KLHL42: variants seen among roughly 807,000 people sequenced by gnomAD.
KLHL42 encodes kelch-like protein 42.
KLHL42 carries 27 observed loss-of-function variants against 32.7 expected under a neutral mutation model. The ratio of observed to expected loss-of-function variants is 0.83; its 90% CI spans 0.61 to 1.14. The LOEUF (loss-of-function observed/expected upper bound fraction) is 1.14, where lower values mean the gene tolerates loss of function less well. Among genes scored for constraint, KLHL42 ranks in the 50% most tolerant of loss-of-function variants. The probability of loss-of-function intolerance (pLI) is 0.00; values close to 1 mark genes in which losing one functional copy is unlikely to be tolerated. For synonymous variants in KLHL42, 267 were observed against 248.2 expected (o/e 1.08, Z -0.71); for missense variants, 491 against 560.8 (o/e 0.88, Z 1.26).
At chr12:27,789,411 T>A (rs967792154) in intron 1 of KLHL42, among the ~76,000 whole-genome samples, 1 of 152,218 alleles carries the variant, frequency 6.6e-6, no homozygotes, top group African/African-American at 2.4e-5. Context: ...CAATTTCATC[T>A]TAAAACAAAT....
At chr12:27,782,873 T>C (rs1029956729) in intron 1 of KLHL42, among the ~76,000 whole-genome samples, 15 of 151,960 alleles carry the variant, frequency 9.9e-5, no homozygotes, top group African/African-American at 3.4e-4. Flanking sequence ...GCCCTCAGGG[T>C]ACAGAAAAAA....
intron 2 of KLHL42, among the ~76,000 whole-genome samples, chr12:27,793,039 C>T (rs567155010): frequency 6.6e-6 from 1 of 152,272 alleles, no homozygotes; most frequent in South Asian, 2.1e-4. Context: ...CATAAGTCAC[C>T]ATGCCCTGCT....
At chr12:27,790,005 G>A (rs186440688) in intron 1 of KLHL42, among the ~76,000 whole-genome samples, 6 of 152,304 alleles carry the variant, frequency 3.9e-5, no homozygotes, top group African/African-American at 1.4e-4. Flanking sequence ...TAATGCATCA[G>A]TTTTATTGAA....
Position 27,800,322 on chromosome 12 carries a change from C to T in KLHL42, c.*2156C>T, listed in dbSNP as rs2062238844. 1 of 979,080 alleles carries T rather than the reference C, an allele frequency of 1.0e-6. No individual in the cohort carries two copies. The highest frequency in any genetic ancestry group is 4.8e-5 in the South Asian group (1 of 20,946). The allele number at this position is 979,080 out of a possible 1,614,324, so 60.6% of individuals were successfully genotyped here. ...CTGATCCACAAAGCTCTTTTATAAA[C>T]CAGGTTTGAGGTTGTGTGTGTGTGT... On this transcript the variant is annotated 3_prime_UTR_variant, in exon 3 of 3. Transcript: ENST00000381271.
chr12:27,786,719 G>GTTTTTTTT (rs11341444), intron 1 of KLHL42, among the ~76,000 whole-genome samples: 2 of 101,144 alleles, frequency 2.0e-5, no homozygotes, highest in African/African-American at 7.7e-5. Flanking sequence ...GATTGAAAGA[G>GTTTTTTTT]TTTTTTTTTT....
chr12:27,797,708 C>A lies in KLHL42; in HGVS notation c.1067-7C>A. On this transcript the variant is annotated splice_region_variant and splice_polypyrimidine_tract_variant and intron_variant, in intron 2 of 2. Coordinates refer to ENST00000381271, the MANE Select transcript of KLHL42 (RefSeq NM_020782.2). ...GCGGTGTCATCACTTGTCTTTCTTT[C>A]TTTCAGACCGGAACATGAACATTTT... The A allele has an allele frequency of 1.5e-6, 1 of 682,780 alleles. No homozygotes were observed. Among genetic ancestry groups the A allele is most frequent in the Admixed American group, 2.2e-5 (1 of 44,786 alleles). The allele number at this position is 682,780 out of a possible 1,614,324, so 42.3% of individuals were successfully genotyped here.
rs1417916204 is a variant in KLHL42 at position 27,799,876 on chromosome 12, G to A, written c.*1710G>A. 1.8e-6 allele frequency: 1 copy of A among 556,308 alleles called. No homozygotes were observed. Among genetic ancestry groups the A allele is most frequent in the African/African-American group, 2.1e-5 (1 of 48,658 alleles). 34.5% of individuals were successfully genotyped at this position (556,308 alleles called of 1,614,324 possible). On this transcript the variant is annotated 3_prime_UTR_variant, in exon 3 of 3. Coordinates refer to ENST00000381271, the MANE Select transcript of KLHL42 (RefSeq NM_020782.2). ...TCTAGTCTACTTACAACTTTGTAAG[G>A]GTTTCTAAGCTATGCCCATTTATTC...
At position 27,801,325 on chromosome 12, in the gene KLHL42, C is replaced by A. The variant is rs1373898245; in HGVS notation, c.*3159C>A. 6.6e-6 allele frequency: 1 copy of A among 152,068 alleles called. No homozygotes were observed. The highest frequency in any genetic ancestry group is 1.5e-5 in the Non-Finnish European group (1 of 68,004). 9.4% of individuals were successfully genotyped at this position (152,068 alleles called of 1,614,324 possible). A position where few individuals can be genotyped will look rare whatever the true frequency, so the allele number is the denominator to read the frequency against. On this transcript the variant is annotated 3_prime_UTR_variant, in exon 3 of 3. Coordinates refer to ENST00000381271, the MANE Select transcript of KLHL42 (RefSeq NM_020782.2). ...ACAAAGGGAGTAATCAAGTAAATAC[C>A]TGTTCTCTTTCAATGGACTGTTGCC...
chr12:27,786,719 GTTTTTTTTTTTTT>G (rs11341444), intron 1 of KLHL42, among the ~76,000 whole-genome samples: 1 of 101,144 alleles, frequency 9.9e-6, no homozygotes, highest in Non-Finnish European at 1.9e-5. Context: ...GATTGAAAGA[GTTTTTTTTTTTTT>G]TTTTTTTTGA....
At chr12:27,788,159 AAG>A (rs1440366288) in intron 1 of KLHL42, 2 of 152,230 alleles carry the variant, frequency 1.3e-5, no homozygotes, top group African/African-American at 4.8e-5. Flanking sequence ...GTGGTTGAGA[AAG>A]GACTTTTGAA....
intron 1 of KLHL42, among the ~76,000 whole-genome samples, chr12:27,781,851 C>T (rs145986428): frequency 6.6e-6 from 1 of 152,166 alleles, no homozygotes; most frequent in Non-Finnish European, 1.5e-5. Context: ...ACCTTCTCCC[C>T]CTCCCATCCT....
intron 1 of KLHL42, among the ~76,000 whole-genome samples, chr12:27,783,612 CG>C (rs1350654376): frequency 1.3e-5 from 2 of 152,020 alleles, no homozygotes; most frequent in Non-Finnish European, 2.9e-5. Context: ...GACGGAGTCT[CG>C]CTCTGTCGCC....
intron 1 of KLHL42, among the ~76,000 whole-genome samples, chr12:27,782,112 G>C (rs770168898): frequency 3.3e-5 from 5 of 152,168 alleles, no homozygotes; most frequent in Non-Finnish European, 5.9e-5. Flanking sequence ...TCCCATCCAC[G>C]TGTTTCCATC....
chr12:27,783,431 A>G (rs1392353651), intron 1 of KLHL42, among the ~76,000 whole-genome samples: 1 of 152,208 alleles, frequency 6.6e-6, no homozygotes, highest in Non-Finnish European at 1.5e-5. Flanking sequence ...TATGTATATT[A>G]ATGTGCACGG....
chr12:27,794,343 C>A (rs2062210088), intron 2 of KLHL42, among the ~76,000 whole-genome samples: 1 of 152,134 alleles, frequency 6.6e-6, no homozygotes, highest in Admixed American at 6.6e-5. Flanking sequence ...CTGCCTCTGT[C>A]TTCATATGAT....
At chr12:27,792,491 G>A (rs2062201643) in intron 2 of KLHL42, among the ~76,000 whole-genome samples, 1 of 152,132 alleles carries the variant, frequency 6.6e-6, no homozygotes, top group African/African-American at 2.4e-5. Flanking sequence ...GACCAGCAGT[G>A]GGAGGTGGTT....
rs144854024 is a variant in KLHL42, at chr12:27,794,003, T to C, written c.1066+2102T>C. On this transcript the variant is annotated intron_variant, in intron 2 of 2. Coordinates refer to ENST00000381271, the MANE Select transcript of KLHL42 (RefSeq NM_020782.2). ...TTCCACCATATCCAAATGTGTCCTG[T>C]TTTGGGGATTTATGTTAGGAAGAAG... Among the ~76,000 whole-genome samples, 121 of 152,272 alleles carry C rather than the reference T, an allele frequency of 7.9e-4. 1 individual carries two copies. Among genetic ancestry groups the C allele is most frequent in the African/African-American group, 2.6e-3 (110 of 41,552 alleles).
In KLHL42 at chr12:27,800,096, T is replaced by A; in HGVS notation, c.*1930T>A. On this transcript the variant is annotated 3_prime_UTR_variant, in exon 3 of 3. Transcript: ENST00000381271. Reference sequence around the variant, plus strand: ...TTTCGTTGCTGAAGAGCTTAACTTTTTAAAGGCTTTGTCCTATACATTTAG... The same window carrying A: ...TTTCGTTGCTGAAGAGCTTAACTTTATAAAGGCTTTGTCCTATACATTTAG... 1 of 984,620 alleles carries A rather than the reference T, an allele frequency of 1.0e-6. No homozygotes were observed. Among genetic ancestry groups the A allele is most frequent in the Non-Finnish European group, 1.2e-6 (1 of 829,146 alleles). The allele number at this position is 984,620 out of a possible 1,614,324, so 61.0% of individuals were successfully genotyped here. A position where few individuals can be genotyped will look rare whatever the true frequency, so the allele number is the denominator to read the frequency against.
intron 2 of KLHL42, among the ~76,000 whole-genome samples, chr12:27,796,266 A>T (rs755466921): frequency 7.2e-5 from 11 of 152,196 alleles, no homozygotes; most frequent in Non-Finnish European, 1.2e-4. Flanking sequence ...AGCATTGCTA[A>T]CTATGAGTGG....
Sources: gnomAD v4.1 joint callset for allele counts (sites outside exome capture counted in the v4.1 genomes callset) on GRCh38, gnomAD v4.1.1 for gene constraint, MANE v1.5 for transcripts, NCBI Gene and HGNC (gene_info 2026-07-23, HGNC 2026-07-21) for gene names.